Variants in NR1H4 observed in about 807,000 individuals in gnomAD.
NR1H4 encodes bile acid receptor.
In NR1H4, 23 loss-of-function variants were observed where a neutral mutation model predicts 58.5. The observed-to-expected ratio is 0.39, with a 90% CI of 0.28 to 0.56. The LOEUF is 0.56. NR1H4 is among the 20% of genes least tolerant of loss of function. The probability of loss-of-function intolerance (pLI) is 0.58; values close to 1 mark genes in which losing one functional copy is unlikely to be tolerated. For missense variants in NR1H4, 487 were observed against 576.9 expected (o/e 0.84, Z 1.60); for synonymous variants, 214 against 198.0 (o/e 1.08, Z -0.68).
In NR1H4 at chr12:100,486,798, G is replaced by A. The variant is rs556891354; in HGVS notation, c.-189-5705G>A. 2.0e-5 allele frequency among the ~76,000 whole-genome samples: 3 copies of A among 150,744 alleles called. 1 individual carries two copies. Among genetic ancestry groups the A allele is most frequent in the African/African-American group, 7.3e-5 (3 of 41,112 alleles). ...AATGGGTGAGGGAAAATGTACTCAAGAAGCAATTCTGAAAAAAAAAAATCC... is the reference window on the plus strand; with the variant it reads ...AATGGGTGAGGGAAAATGTACTCAAAAAGCAATTCTGAAAAAAAAAAATCC... On this transcript the variant is annotated intron_variant, in intron 1 of 10. Transcript: ENST00000392986.
At chr12:100,505,101 CA>C (rs78818440) in intron 3 of NR1H4, among the ~76,000 whole-genome samples, 12,066 of 140,428 alleles carry the variant, frequency 0.086, 906 homozygotes, top group African/African-American at 0.2. Flanking sequence ...TAAAGGAAGG[CA>C]AAAAAAAAAA....
At chr12:100,562,966 A>G (rs1359899787) in intron 10 of NR1H4, among the ~76,000 whole-genome samples, 2 of 152,210 alleles carry the variant, frequency 1.3e-5, no homozygotes, top group African/African-American at 2.4e-5. Flanking sequence ...TTCTGAGAAT[A>G]TACTCAACAG....
chr12:100,534,945 G>A lies in NR1H4; in HGVS notation c.654G>A (p.Gln218=), dbSNP rs778260507. ...AGCGACTGAGAAAAAATGTGAAGCA[G>A]CATGCAGATCAGACCGTGAATGAAG... ...KSKRLRKNVK[Q]HADQTVNEDS... is the part of the protein sequence containing the mutation. The change falls in exon 6 of 11, where the codon CAG becomes CAA. Residue 218 remains glutamine, a synonymous_variant. Transcript: ENST00000392986. 9.9e-6 allele frequency: 16 copies of A among 1,614,094 alleles called. No individual in the cohort carries two copies. Among genetic ancestry groups the A allele is most frequent in the Admixed American group, 8.3e-5 (5 of 60,012 alleles).
rs138101762 is a variant in NR1H4 at position 100,544,208 on chromosome 12, C to T, written c.1078+3390C>T. On this transcript the variant is annotated intron_variant, in intron 9 of 10. Transcript: ENST00000392986. ...TGGAGCTTACAGTGAGCCGAGATCA[C>T]GCCACTGTACTCCAGCCTGGGGGAC... 4.2e-3 allele frequency among the ~76,000 whole-genome samples: 607 copies of T among 146,182 alleles called. 2 individuals are homozygous for T. Among genetic ancestry groups the T allele is most frequent in the African/African-American group, 0.015 (579 of 38,956 alleles).
chr12:100,559,665 C>T (rs1372605033), intron 9 of NR1H4, among the ~76,000 whole-genome samples: 1 of 152,240 alleles, frequency 6.6e-6, no homozygotes, highest in Non-Finnish European at 1.5e-5. Context: ...AGCCTCCCAC[C>T]CACTCCATGG....
chr12:100,520,847 C>G (rs944730211), intron 4 of NR1H4, among the ~76,000 whole-genome samples: 2 of 152,158 alleles, frequency 1.3e-5, no homozygotes, highest in African/African-American at 2.4e-5. Context: ...GTTCTACTTT[C>G]CTGCCTCTCT....
intron 4 of NR1H4, among the ~76,000 whole-genome samples, chr12:100,531,376 A>G (rs866394619): frequency 3.9e-5 from 6 of 152,188 alleles, no homozygotes; most frequent in Non-Finnish European, 5.9e-5. Flanking sequence ...GAATCCATTG[A>G]ACCTGGGAGG....
intron 1 of NR1H4, among the ~76,000 whole-genome samples, chr12:100,480,939 A>G (rs1173455891): frequency 6.6e-6 from 1 of 152,128 alleles, no homozygotes; most frequent in East Asian, 1.9e-4. Flanking sequence ...TTCTTTCTCC[A>G]TGAGATTTTT....
At chr12:100,513,583 T>G (rs1954179649) in intron 4 of NR1H4, among the ~76,000 whole-genome samples, 2 of 152,082 alleles carry the variant, frequency 1.3e-5, no homozygotes, top group East Asian at 1.9e-4. Context: ...TCACCTAAGG[T>G]CAGGAGTTCA....
At chr12:100,501,372 C>T (rs181256395) in intron 3 of NR1H4, among the ~76,000 whole-genome samples, 9 of 151,918 alleles carry the variant, frequency 5.9e-5, no homozygotes, top group South Asian at 2.1e-4. Flanking sequence ...ATGGTGACCC[C>T]GATCAAGCAA....
intron 4 of NR1H4, among the ~76,000 whole-genome samples, chr12:100,518,921 G>T (rs983379116): frequency 2.2e-4 from 33 of 151,590 alleles, no homozygotes; most frequent in Middle Eastern, 3.4e-3. Context: ...CCAAGTAGCT[G>T]GGATTACAGG....
At chr12:100,548,527 C>T (rs1178857103) in intron 9 of NR1H4, among the ~76,000 whole-genome samples, 7 of 152,158 alleles carry the variant, frequency 4.6e-5, no homozygotes, top group Admixed American at 1.3e-4. Flanking sequence ...ATTAGCCTCC[C>T]TCCTCTCACT....
chr12:100,497,016 CATG>C (rs1249484552), intron 3 of NR1H4, among the ~76,000 whole-genome samples: 1 of 151,952 alleles, frequency 6.6e-6, no homozygotes, highest in Non-Finnish European at 1.5e-5. Context: ...TTATGTGAGA[CATG>C]ATGAGGGAGT....
chr12:100,513,150 T>C (rs1475349420), intron 4 of NR1H4, among the ~76,000 whole-genome samples: 1 of 152,174 alleles, frequency 6.6e-6, no homozygotes, highest in East Asian at 1.9e-4. Context: ...TATACATTCG[T>C]TGGAAGCATA....
At chr12:100,561,780 C>A in intron 9 of NR1H4, 105 bp from the exon 10 acceptor site, 1 of 683,050 alleles carries the variant, frequency 1.5e-6, no homozygotes, top group South Asian at 1.6e-5. Context: ...TGAATGTGTG[C>A]ATATAGTTGC....
intron 3 of NR1H4, among the ~76,000 whole-genome samples, chr12:100,505,133 A>G (rs1953929302): frequency 6.6e-6 from 1 of 152,224 alleles, no homozygotes; most frequent in Non-Finnish European, 1.5e-5. Context: ...TAGGCACTGC[A>G]ATTCAACAGA....
At chr12:100,533,890 C>CTTTTTTTTTTTTT (rs758465149) in intron 5 of NR1H4, among the ~76,000 whole-genome samples, 35 of 143,398 alleles carry the variant, frequency 2.4e-4, no homozygotes, top group East Asian at 8.0e-4. Context: ...TAATAGCTCT[C>CTTTTTTTTTTTTT]TTTTTTTTTT....
intron 9 of NR1H4, among the ~76,000 whole-genome samples, chr12:100,557,810 T>TTTGATTTGG (rs1955365371): frequency 6.6e-6 from 1 of 152,218 alleles, no homozygotes; most frequent in Non-Finnish European, 1.5e-5. Flanking sequence ...TCAAAGTTTA[T>TTTGATTTGG]TCTGGTTTGC....
At chr12:100,560,528 C>T (rs570415840) in intron 9 of NR1H4, among the ~76,000 whole-genome samples, 4 of 152,248 alleles carry the variant, frequency 2.6e-5, no homozygotes, top group African/African-American at 9.6e-5. Flanking sequence ...TCTGCAGCTT[C>T]ACTCCTGAGC....
Sources: allele counts gnomAD v4.1 joint callset (sites outside exome capture counted in the v4.1 genomes callset), GRCh38; gene constraint gnomAD v4.1.1; transcripts MANE v1.5; gene names NCBI Gene and HGNC (gene_info 2026-07-23, HGNC 2026-07-21).